Variants in SMARCA2 observed in about 807,000 individuals in gnomAD.
SMARCA2 encodes the protein SWI/SNF-related matrix-associated actin-dependent regulator of chromatin subfamily A member 2.
Under a neutral mutation model 199.8 loss-of-function variants are expected in SMARCA2, and 61 were observed. The ratio of observed to expected loss-of-function variants is 0.31; its 90% CI spans 0.25 to 0.38. The LOEUF is 0.38. SMARCA2 is among the 10% of genes least tolerant of loss of function. The probability of loss-of-function intolerance (pLI) is 1.00; values close to 1 mark genes in which losing one functional copy is unlikely to be tolerated. For missense variants in SMARCA2, 1,344 were observed against 2,012.2 expected, an observed-to-expected ratio of 0.67 and a Z score of 6.35; for synonymous variants, 935 against 732.0, an observed-to-expected ratio of 1.28 and a Z score of -4.48.
intron 31 of SMARCA2, among the ~76,000 whole-genome samples, chr9:2,185,371 T>C (rs754039246): frequency 1.3e-5 from 2 of 152,244 alleles, no homozygotes; most frequent in Non-Finnish European, 2.9e-5. Context: ...CTGAATAATA[T>C]TCCATTAAAT....
chr9:2,145,767 C>T (rs1824710396), intron 27 of SMARCA2, among the ~76,000 whole-genome samples: 1 of 152,192 alleles, frequency 6.6e-6, no homozygotes, highest in Admixed American at 6.5e-5. Flanking sequence ...TCTAGTTTCC[C>T]TCCCTCATTA....
At chr9:2,157,691 G>A (rs1825437490) in intron 27 of SMARCA2, 1 of 382,096 alleles carries the variant, frequency 2.6e-6, no homozygotes, top group Non-Finnish European at 4.6e-6. Flanking sequence ...TTGGAGAGGC[G>A]GAGGTGGAAA....
chr9:2,051,453 C>A (rs1414210195), intron 5 of SMARCA2, among the ~76,000 whole-genome samples: 4 of 152,196 alleles, frequency 2.6e-5, no homozygotes, highest in African/African-American at 9.7e-5. Flanking sequence ...CCCCGGGGTT[C>A]CCACCCCCCA....
chr9:2,154,725 G>T (rs934463619), intron 27 of SMARCA2, among the ~76,000 whole-genome samples: 18 of 152,164 alleles, frequency 1.2e-4, no homozygotes, highest in African/African-American at 3.1e-4. Flanking sequence ...TCCAAATGAG[G>T]TTATGCTCTT....
chr9:2,130,252 CTCCTTGCCT>C (rs1823882901), intron 27 of SMARCA2, among the ~76,000 whole-genome samples: 1 of 152,238 alleles, frequency 6.6e-6, no homozygotes, highest in African/African-American at 2.4e-5. Context: ...GAAGGCTCTC[CTCCTTGCCT>C]TCCTGTTACG....
intron 28 of SMARCA2, among the ~76,000 whole-genome samples, chr9:2,168,708 C>T (rs1826070979): frequency 6.6e-6 from 1 of 152,156 alleles, no homozygotes; most frequent in African/African-American, 2.4e-5. Flanking sequence ...AAATCTATGT[C>T]ATTATGTAGT....
chr9:2,095,167 C>T (rs528125841), intron 19 of SMARCA2, among the ~76,000 whole-genome samples: 1 of 151,302 alleles, frequency 6.6e-6, no homozygotes, highest in East Asian at 1.9e-4. Flanking sequence ...CTCACTGCAA[C>T]CTCCGCCTCC....
chr9:2,088,493 C>G lies in SMARCA2; in HGVS notation c.2770-7C>G, dbSNP rs114448411. On this transcript the variant is annotated splice_polypyrimidine_tract_variant and splice_region_variant and intron_variant, in intron 18 of 33. Coordinates refer to ENST00000349721, the MANE Select transcript of SMARCA2 (RefSeq NM_003070.5). ...AAAATCAAATTCATAATAAGCCTCTCTTACAGGTGGACTTAAATGAAGAAG... is the reference window on the plus strand; with the variant it reads ...AAAATCAAATTCATAATAAGCCTCTGTTACAGGTGGACTTAAATGAAGAAG... 3.1e-3 allele frequency: 4,863 copies of G among 1,571,432 alleles called. 100 individuals are homozygous for G. The African/African-American group carries it at 0.056, about 18-fold the overall frequency.
intron 16 of SMARCA2, 70 bp from the exon 17 acceptor site, chr9:2,084,016 T>C (rs1821685779): frequency 3.8e-6 from 3 of 795,458 alleles, no homozygotes; most frequent in Non-Finnish European, 6.5e-6. Context: ...ATCATTAAGC[T>C]ATGAAAAGTG....
rs186346382 is a variant in SMARCA2, at chr9:2,161,202, T to C, written c.3982-484T>C. Reference sequence around the variant, plus strand: ...GAATTTTGATTTATATTGTTAATCATGAATAAATTGATGCAAAACCTGAAG... The same window carrying C: ...GAATTTTGATTTATATTGTTAATCACGAATAAATTGATGCAAAACCTGAAG... On this transcript the variant is annotated intron_variant, in intron 27 of 33. Coordinates refer to ENST00000349721, the MANE Select transcript of SMARCA2 (RefSeq NM_003070.5). The surrounding 1 kb of genome is among the most constrained non-coding windows in gnomAD (Gnocchi z 4.7). 6.4e-4 allele frequency among the ~76,000 whole-genome samples: 98 copies of C among 152,368 alleles called. No individual in the cohort carries two copies. Among genetic ancestry groups the C allele is most frequent in the African/African-American group, 2.2e-3 (93 of 41,594 alleles).
At chr9:2,120,662 G>T (rs1823419245) in intron 26 of SMARCA2, among the ~76,000 whole-genome samples, 1 of 152,000 alleles carries the variant, frequency 6.6e-6, no homozygotes, top group African/African-American at 2.4e-5. Flanking sequence ...GCTTTTTTCT[G>T]GGAACATTGA....
chr9:2,170,198 A>C lies in SMARCA2; in HGVS notation c.4200-221A>C, dbSNP rs142961256. On this transcript the variant is annotated intron_variant, in intron 28 of 33. Coordinates refer to ENST00000349721, the MANE Select transcript of SMARCA2 (RefSeq NM_003070.5). This position sits in a 1 kb window ranked among gnomAD's most constrained non-coding sequence, Gnocchi z 4.7. ...TTTCTGTGTGTGACGGAAGTAGGAA[A>C]ATCCCAGAAAGGTTAGGAAATCCAC... Among the ~76,000 whole-genome samples, 225 of 152,296 alleles carry C rather than the reference A, an allele frequency of 1.5e-3. 1 individual carries two copies. Among genetic ancestry groups the C allele is most frequent in the African/African-American group, 5.1e-3 (210 of 41,556 alleles).
intron 2 of SMARCA2, among the ~76,000 whole-genome samples, chr9:2,029,611 A>T (rs757284651): frequency 4.6e-5 from 7 of 152,322 alleles, no homozygotes; most frequent in Non-Finnish European, 1.0e-4. Context: ...GAACATACTG[A>T]AAATTATTCT....
chr9:2,150,761 G>C (rs79054412), intron 27 of SMARCA2, among the ~76,000 whole-genome samples: 1 of 151,504 alleles, frequency 6.6e-6, no homozygotes, highest in South Asian at 2.1e-4. Context: ...TTATCTCACT[G>C]TGTGGAGGCT....
intron 27 of SMARCA2, among the ~76,000 whole-genome samples, chr9:2,154,806 T>C (rs997558744): frequency 1.3e-5 from 2 of 152,342 alleles, no homozygotes; most frequent in Admixed American, 6.5e-5. Context: ...TATTAGTTTG[T>C]TACCCTCTTT....
At chr9:2,149,137 A>G (rs1293899734) in intron 27 of SMARCA2, among the ~76,000 whole-genome samples, 1 of 151,502 alleles carries the variant, frequency 6.6e-6, no homozygotes, top group East Asian at 1.9e-4. Context: ...ACAGTTCCAC[A>G]TGGCTGGGGA....
chr9:2,161,410 C>G lies in SMARCA2; in HGVS notation c.3982-276C>G, dbSNP rs1451295440. 6.6e-6 allele frequency among the ~76,000 whole-genome samples: 1 copy of G among 152,042 alleles called. No homozygotes were observed. Among genetic ancestry groups the G allele is most frequent in the Non-Finnish European group, 1.5e-5 (1 of 68,026 alleles). On this transcript the variant is annotated intron_variant, in intron 27 of 33. Coordinates refer to ENST00000349721, the MANE Select transcript of SMARCA2 (RefSeq NM_003070.5). The surrounding 1 kb of genome is among the most constrained non-coding windows in gnomAD (Gnocchi z 4.7). ...TCATCAAACACTTGAATTTATAGAT[C>G]TTTTAATATTTGTCATATTCTCCTT...
chr9:2,037,370 C>T (rs1445471399), intron 3 of SMARCA2, among the ~76,000 whole-genome samples: 7 of 152,170 alleles, frequency 4.6e-5, no homozygotes, highest in African/African-American at 1.2e-4. Context: ...TGCTTCCTCA[C>T]GGAGTAGGGA....
At chr9:2,182,366 G>C (rs976501639) in intron 31 of SMARCA2, 124 bp downstream of exon 31, 2 of 613,904 alleles carry the variant, frequency 3.3e-6, no homozygotes, top group South Asian at 2.0e-5. Context: ...ATAACTAAAA[G>C]CCTATGTTCC....
Sources: allele counts gnomAD v4.1 joint callset (sites outside exome capture counted in the v4.1 genomes callset), GRCh38; gene constraint gnomAD v4.1.1; non-coding constraint Gnocchi (gnomAD v3.1); transcripts MANE v1.5; gene names NCBI Gene and HGNC (gene_info 2026-07-23, HGNC 2026-07-21).